FBXO25: variants seen among roughly 807,000 people sequenced by gnomAD.
The protein encoded by FBXO25 is F-box only protein 25.
A neutral mutation model predicts 51.9 loss-of-function variants in FBXO25; 45 were observed. The observed-to-expected ratio is 0.87, with a 90% CI of 0.68 to 1.11. The LOEUF (loss-of-function observed/expected upper bound fraction) is 1.11. Among genes scored for constraint, FBXO25 ranks in the 50% most tolerant of loss-of-function variants. The probability of loss-of-function intolerance (pLI) is 0.00; values close to 1 mark genes in which losing one functional copy is unlikely to be tolerated. For missense variants in FBXO25, 507 were observed against 428.5 expected (o/e 1.18, Z -1.62); for synonymous variants, 199 against 151.0 (o/e 1.32, Z -2.33).
At chr8:466,140 T>C (rs1800145165) in intron 9 of FBXO25, among the ~76,000 whole-genome samples, 1 of 152,192 alleles carries the variant, frequency 6.6e-6, no homozygotes, top group Admixed American at 6.5e-5. Context: ...TCTGAATCCA[T>C]GCATTGGAAG....
chr8:425,549 T>C lies in FBXO25; in HGVS notation c.135-5792T>C, dbSNP rs538021297. Among the ~76,000 whole-genome samples, 12 of 152,012 alleles carry C rather than the reference T, an allele frequency of 7.9e-5. No individual in the cohort carries two copies. The South Asian group carries it at 2.3e-3, about 29-fold the overall frequency. On this transcript the variant is annotated intron_variant, in intron 2 of 9. Coordinates refer to ENST00000350302, the MANE Select transcript of FBXO25 (RefSeq NM_183420.2). ...ATTTGTAATAATTCCCCTCTTTCTTTTGGTTCACTTATTCTTTTTCTGGCT... is the reference window on the plus strand; with the variant it reads ...ATTTGTAATAATTCCCCTCTTTCTTCTGGTTCACTTATTCTTTTTCTGGCT...
At chr8:454,570 T>A (rs570144528) in intron 7 of FBXO25, among the ~76,000 whole-genome samples, 2 of 152,236 alleles carry the variant, frequency 1.3e-5, no homozygotes, top group East Asian at 3.9e-4. Flanking sequence ...TTACATTGGT[T>A]CACAAGTGAT....
chr8:445,960 C>G (rs1177044487), intron 5 of FBXO25, among the ~76,000 whole-genome samples: 2 of 152,146 alleles, frequency 1.3e-5, no homozygotes, highest in Non-Finnish European at 2.9e-5. Context: ...GATTATTCCT[C>G]ATCTCTGCTC....
At chr8:426,749 G>A (rs536934132) in intron 2 of FBXO25, among the ~76,000 whole-genome samples, 1 of 151,642 alleles carries the variant, frequency 6.6e-6, no homozygotes, top group South Asian at 2.1e-4. Context: ...ATTGCACTCT[G>A]TGCACAGTGC....
Position 418,333 on chromosome 8 carries a change from C to CTTTTTTTT in FBXO25, c.134+5137_134+5144dup, listed in dbSNP as rs1207244013. Reference sequence around the variant, plus strand: ...CCTTTCTTTTGTTCGTTTGTTTGTTCTTTTTTTTTTTTTTTTTTTTTTTTG... The same window carrying CTTTTTTTT: ...CCTTTCTTTTGTTCGTTTGTTTGTTCTTTTTTTTTTTTTTTTTTTTTTTTTTTTTTTTG... On this transcript the variant is annotated intron_variant, in intron 2 of 9. Coordinates refer to ENST00000350302, the MANE Select transcript of FBXO25 (RefSeq NM_183420.2). Among the ~76,000 whole-genome samples, 231 of 72,342 alleles carry CTTTTTTTT rather than the reference C, an allele frequency of 3.2e-3. 2 individuals carry two copies. The highest frequency in any genetic ancestry group is 0.016 in the Middle Eastern group (1 of 62). The allele number at this position is 72,342 out of a possible 152,430, so 47.5% of individuals were successfully genotyped here.
At chr8:428,153 T>C (rs1028509160) in intron 2 of FBXO25, among the ~76,000 whole-genome samples, 2 of 152,174 alleles carry the variant, frequency 1.3e-5, no homozygotes, top group African/African-American at 4.8e-5. Context: ...TTCTCTTCTC[T>C]TCCTTTTCTT....
At chr8:432,766 T>G in intron 3 of FBXO25, 120 bp from the exon 4 acceptor site, 2 of 1,248,822 alleles carry the variant, frequency 1.6e-6, no homozygotes, top group Non-Finnish European at 2.1e-6. Context: ...TAAAAGCATT[T>G]CTTGTCAATA....
intron 1 of FBXO25, among the ~76,000 whole-genome samples, chr8:412,240 T>C (rs1450887277): frequency 6.6e-6 from 1 of 152,206 alleles, no homozygotes; most frequent in Admixed American, 6.5e-5. Flanking sequence ...AAAACCCTGC[T>C]GTTCCTTCTG....
intron 7 of FBXO25, among the ~76,000 whole-genome samples, chr8:453,445 T>C (rs1258627288): frequency 2.0e-5 from 3 of 151,954 alleles, no homozygotes; most frequent in Non-Finnish European, 4.4e-5. Context: ...CTTGTAGGAG[T>C]TGGCCAGAGG....
At chr8:468,672 T>C (rs370544442) in intron 9 of FBXO25, 43 bp from the exon 10 acceptor site, 167 of 1,516,484 alleles carry the variant, frequency 1.1e-4, no homozygotes, top group Non-Finnish European at 1.5e-4. Flanking sequence ...AGAGTGTGGC[T>C]GGTGGTGGGG....
chr8:452,521 C>G (rs1380909611), intron 7 of FBXO25, among the ~76,000 whole-genome samples: 7 of 152,198 alleles, frequency 4.6e-5, no homozygotes, highest in Non-Finnish European at 8.8e-5. Context: ...GCCACATGGC[C>G]AAAGTCCCCT....
At chr8:427,622 C>T (rs1453319057) in intron 2 of FBXO25, among the ~76,000 whole-genome samples, 2 of 147,200 alleles carry the variant, frequency 1.4e-5, no homozygotes, top group African/African-American at 5.2e-5. Flanking sequence ...AAATCAAGGG[C>T]TTGGCAGGGT....
rs929538095 is a variant in FBXO25, at chr8:474,792, T to A, written c.*5988T>A. 3 of 454,598 alleles carry A rather than the reference T, an allele frequency of 6.6e-6. No individual in the cohort carries two copies. Among genetic ancestry groups the A allele is most frequent in the African/African-American group, 6.0e-5 (3 of 49,964 alleles). 28.2% of individuals were successfully genotyped at this position (454,598 alleles called of 1,614,324 possible). A position where few individuals can be genotyped will look rare whatever the true frequency, so the allele number is the denominator to read the frequency against. ...AAAATACTTTGTCCCATTCCGTGGA[T>A]TGCCTTTCACTCTGTTTTGTTCTTT... On this transcript the variant is annotated 3_prime_UTR_variant, in exon 10 of 10. Transcript: ENST00000350302.
chr8:410,300 T>C (rs1167387181), intron 1 of FBXO25, among the ~76,000 whole-genome samples: 1 of 152,194 alleles, frequency 6.6e-6, no homozygotes, highest in Non-Finnish European at 1.5e-5. Context: ...TTTAGTTCCT[T>C]AGCTAAATTG....
At chr8:420,008 G>A (rs2117493030) in intron 2 of FBXO25, among the ~76,000 whole-genome samples, 1 of 152,280 alleles carries the variant, frequency 6.6e-6, no homozygotes, top group South Asian at 2.1e-4. Context: ...AGAAGCCCAT[G>A]CAAATAAGCA....
At chr8:468,613 C>T in intron 9 of FBXO25, 102 bp from the exon 10 acceptor site, 1 of 838,198 alleles carries the variant, frequency 1.2e-6, no homozygotes, top group Non-Finnish European at 1.9e-6. Flanking sequence ...GAGGTGGGGC[C>T]CAGGGTCCAC....
intron 5 of FBXO25, among the ~76,000 whole-genome samples, chr8:449,024 A>G (rs980884507): frequency 6.6e-6 from 1 of 152,264 alleles, no homozygotes; most frequent in African/African-American, 2.4e-5. Context: ...TTAAGACCAA[A>G]CATGCTGTGT....
chr8:474,243 T>G lies in FBXO25; in HGVS notation c.*5439T>G, dbSNP rs200930785. The G allele has an allele frequency of 5.8e-6, 1 of 172,922 alleles. No homozygotes were observed. Among genetic ancestry groups the G allele is most frequent in the East Asian group, 1.7e-4 (1 of 5,860 alleles). The allele number at this position is 172,922 out of a possible 1,614,324, so 10.7% of individuals were successfully genotyped here. A position where few individuals can be genotyped will look rare whatever the true frequency, so the allele number is the denominator to read the frequency against. On this transcript the variant is annotated 3_prime_UTR_variant, in exon 10 of 10. Coordinates refer to ENST00000350302, the MANE Select transcript of FBXO25 (RefSeq NM_183420.2). ...TGTGACTGGCTTATTTCACTTAGCG[T>G]AATGTCCTCAAGGTTTATTCAAGTT... is the stretch of plus-strand genomic sequence containing the variant.
In FBXO25 at chr8:451,420, G is replaced by T. The variant is rs1415365399; in HGVS notation, c.627G>T (p.Trp209Cys). The change falls in exon 7 of 10, where the codon TGG becomes TGT. Residue 209 changes from tryptophan to cysteine, a missense_variant. By Grantham distance (215) the Trp-to-Cys change is radical (BLOSUM62 -2). Transcript: ENST00000350302. Reference protein sequence around the residue: ...WICRLETILAWQQQLQDLQMT... With the variant: ...WICRLETILACQQQLQDLQMT... The stretch of plus-strand genomic sequence containing the variant: ...GCCGATTAGAAACTATTCTCGCCTG[G>T]CAACAACAGCTACAGGATCTTCAGA... The T allele has an allele frequency of 4.3e-6, 7 of 1,613,786 alleles. No individual in the cohort carries two copies. In the South Asian group the frequency reaches 7.7e-5, roughly 18 times the overall value.
Sources: allele counts gnomAD v4.1 joint callset (sites outside exome capture counted in the v4.1 genomes callset), GRCh38; gene constraint gnomAD v4.1.1; transcripts MANE v1.5; gene names NCBI Gene and HGNC (gene_info 2026-07-23, HGNC 2026-07-21).